The following RNLS variants were observed in gnomAD, a reference collection of about 807,000 sequenced individuals.
RNLS encodes the protein renalase, FAD dependent amine oxidase.
Under a neutral mutation model 39.8 loss-of-function variants are expected in RNLS, and 39 were observed. The observed-to-expected ratio is 0.98, with a 90% CI of 0.76 to 1.28. The LOEUF (loss-of-function observed/expected upper bound fraction) is 1.28. Ranked by LOEUF, RNLS falls within the 50% of genes most tolerant of loss-of-function variation. RNLS has a pLI of 0.00. For synonymous variants in RNLS, 147 were observed against 150.7 expected (o/e 0.98, Z 0.18); for missense variants, 410 against 413.3 (o/e 0.99, Z 0.07).
chr10:88,468,053 T>C (rs1156539192), intron 4 of RNLS, among the ~76,000 whole-genome samples: 1 of 152,052 alleles, frequency 6.6e-6, no homozygotes, highest in East Asian at 1.9e-4. Context: ...TAAAAATAGA[T>C]AGGGAGTGTT....
chr10:88,568,909 A>G (rs1304838813), intron 4 of RNLS, among the ~76,000 whole-genome samples: 1 of 152,204 alleles, frequency 6.6e-6, no homozygotes, highest in Non-Finnish European at 1.5e-5. Flanking sequence ...AGCATCACCT[A>G]GAAACTTGTA....
intron 4 of RNLS, among the ~76,000 whole-genome samples, chr10:88,454,670 T>C (rs982141645): frequency 6.6e-5 from 10 of 152,198 alleles, no homozygotes; most frequent in African/African-American, 1.4e-4. Context: ...CTTAAGTCAC[T>C]CAGGGGAAAC....
the RNLS span, among the ~76,000 whole-genome samples, chr10:88,189,562 G>A: frequency 2.0e-5 from 3 of 152,174 alleles, no homozygotes; most frequent in Admixed American, 1.3e-4. Context: ...AGGGAGATAC[G>A]GTTTAGGCTG....
At chr10:88,209,718 T>C in the RNLS span, among the ~76,000 whole-genome samples, 1 of 152,214 alleles carries the variant, frequency 6.6e-6, no homozygotes, top group Non-Finnish European at 1.5e-5. Flanking sequence ...AAAAAATCTA[T>C]GATTAACCCA....
downstream of RNLS, among the ~76,000 whole-genome samples, chr10:88,281,537 G>A (rs2872068): frequency 0.83 from 125,940 of 152,084 alleles, 52,457 homozygotes; most frequent in Non-Finnish European, 0.87. Flanking sequence ...TGTACACTAC[G>A]CAGCCTGGTC....
chr10:88,465,795 T>C (rs1351832682), intron 4 of RNLS, among the ~76,000 whole-genome samples: 3 of 152,166 alleles, frequency 2.0e-5, no homozygotes, highest in Non-Finnish European at 4.4e-5. Context: ...GTCATAATTG[T>C]ATATTATTTG....
chr10:88,577,067 C>G (rs1850253100), intron 3 of RNLS, among the ~76,000 whole-genome samples: 1 of 152,096 alleles, frequency 6.6e-6, no homozygotes, highest in Non-Finnish European at 1.5e-5. Context: ...CCATCATTTT[C>G]CATGTCATAG....
intron 6 of RNLS, among the ~76,000 whole-genome samples, chr10:88,304,386 G>T (rs953658501): frequency 2.0e-5 from 3 of 152,118 alleles, no homozygotes; most frequent in Non-Finnish European, 4.4e-5. Context: ...AATATGGATA[G>T]GAATGAAGAA....
intron 4 of RNLS, among the ~76,000 whole-genome samples, chr10:88,370,541 G>GT (rs1455161789): frequency 1.3e-5 from 2 of 152,116 alleles, no homozygotes; most frequent in Non-Finnish European, 2.9e-5. Context: ...TTATAACTAA[G>GT]TTCTGATCAA....
At chr10:88,373,067 C>G (rs770281825) in intron 4 of RNLS, among the ~76,000 whole-genome samples, 1 of 152,098 alleles carries the variant, frequency 6.6e-6, no homozygotes, top group African/African-American at 2.4e-5. Context: ...CATCTAATTA[C>G]TTTATGGCCA....
the RNLS span, among the ~76,000 whole-genome samples, chr10:88,173,789 CT>C: frequency 2.0e-5 from 3 of 151,782 alleles, no homozygotes; most frequent in Non-Finnish European, 4.4e-5. Context: ...CCAAATTGGT[CT>C]TTTTTTAAAA....
At chr10:88,362,455 G>A in intron 5 of RNLS, 97 bp downstream of exon 5, 7 of 1,126,840 alleles carry the variant, frequency 6.2e-6, no homozygotes, top group Non-Finnish European at 8.8e-6. Context: ...TTAAATGCTT[G>A]CTCTGTTCAG....
At chr10:88,336,469 A>G (rs1352941722) in intron 5 of RNLS, among the ~76,000 whole-genome samples, 1 of 152,248 alleles carries the variant, frequency 6.6e-6, no homozygotes, top group African/African-American at 2.4e-5. Flanking sequence ...TCTGATAGGC[A>G]TTTAGTTAAA....
At chr10:88,389,935 A>C (rs1014757652) in intron 4 of RNLS, among the ~76,000 whole-genome samples, 4 of 152,228 alleles carry the variant, frequency 2.6e-5, no homozygotes, top group Non-Finnish European at 5.9e-5. Flanking sequence ...CAACACTGAC[A>C]CTGACTAATT....
chr10:88,475,274 C>T (rs187813890), intron 4 of RNLS, among the ~76,000 whole-genome samples: 2 of 152,254 alleles, frequency 1.3e-5, no homozygotes, highest in African/African-American at 4.8e-5. Flanking sequence ...GGCCAGCAAC[C>T]AACCGAGCCG....
At chr10:88,245,088 G>C in the RNLS span, among the ~76,000 whole-genome samples, 3 of 152,160 alleles carry the variant, frequency 2.0e-5, no homozygotes, top group South Asian at 6.2e-4. Flanking sequence ...AAAAGGAAAA[G>C]CTTTGCCCAT....
At position 88,541,293 on chromosome 10, in the gene RNLS, G is replaced by A. The variant is rs140881904; in HGVS notation, c.526+31610C>T. On this transcript the variant is annotated intron_variant, in intron 4 of 6. Coordinates refer to ENST00000331772, the MANE Select transcript of RNLS (RefSeq NM_001031709.3). ...CGATCGAAAGGAACGACATATCTGT[G>A]TACGTGTCTTAACTCCTTTTCACTA... 2.4e-3 allele frequency among the ~76,000 whole-genome samples: 359 copies of A among 152,286 alleles called. 1 individual carries two copies. Among genetic ancestry groups the A allele is most frequent in the African/African-American group, 8.3e-3 (344 of 41,564 alleles).
the RNLS span, among the ~76,000 whole-genome samples, chr10:88,253,733 T>C: frequency 2.0e-5 from 3 of 152,196 alleles, no homozygotes; most frequent in Non-Finnish European, 4.4e-5. Flanking sequence ...AGGGTCTTAG[T>C]ATCCACACAC....
At chr10:88,171,736 T>G in the RNLS span, among the ~76,000 whole-genome samples, 1 of 152,220 alleles carries the variant, frequency 6.6e-6, no homozygotes, top group Non-Finnish European at 1.5e-5. Context: ...ATACAATGAA[T>G]TATTGTTAAC....
Sources: allele counts gnomAD v4.1 joint callset (sites outside exome capture counted in the v4.1 genomes callset), GRCh38; gene constraint gnomAD v4.1.1; transcripts MANE v1.5; gene names NCBI Gene and HGNC (gene_info 2026-07-23, HGNC 2026-07-21).